Variants in MMP28 observed in about 807,000 individuals in gnomAD.
MMP28 encodes the protein matrix metallopeptidase 28.
Under a neutral mutation model 60.5 loss-of-function variants are expected in MMP28, and 55 were observed. The observed-to-expected ratio is 0.91, with a 90% CI of 0.73 to 1.14. MMP28 has a LOEUF of 1.14. Ranked by LOEUF, MMP28 falls within the 50% of genes most tolerant of loss-of-function variation. The pLI, the probability that MMP28 is intolerant of heterozygous loss-of-function variation, is 0.00. For missense variants in MMP28, 686 were observed against 738.3 expected, an observed-to-expected ratio of 0.93 and a Z score of 0.82; for synonymous variants, 318 against 312.5, an observed-to-expected ratio of 1.02 and a Z score of -0.18.
At chr17:35,771,341 G>A (rs1339924358) in intron 4 of MMP28, among the ~76,000 whole-genome samples, 1 of 144,998 alleles carries the variant, frequency 6.9e-6, no homozygotes, top group East Asian at 2.1e-4. Context: ...TGAGGCAGGA[G>A]AATGGTGTGA....
At chr17:35,769,150 G>T (rs1041092871) in intron 5 of MMP28, among the ~76,000 whole-genome samples, 12 of 152,170 alleles carry the variant, frequency 7.9e-5, no homozygotes, top group Admixed American at 5.2e-4. Context: ...TTTCCTAGCT[G>T]CATGACCCTG....
chr17:35,788,840 C>T (rs998715530), intron 1 of MMP28, among the ~76,000 whole-genome samples: 7 of 152,078 alleles, frequency 4.6e-5, no homozygotes, highest in African/African-American at 1.7e-4. Flanking sequence ...AGATAGAGCC[C>T]TTGGGAATCT....
downstream of MMP28, chr17:35,764,050 G>A (rs372759641): frequency 8.4e-5 from 130 of 1,549,670 alleles, 1 homozygote; most frequent in African/African-American, 1.4e-3. Context: ...AAGAGCTCCG[G>A]GCCGAGGACG....
chr17:35,768,140 G>A (rs1246976159), intron 6 of MMP28, 90 bp downstream of exon 6: 10 of 1,475,274 alleles, frequency 6.8e-6, no homozygotes, highest in African/African-American at 1.4e-5. Context: ...GGCTTTTACA[G>A]TCCATCCCCC....
chr17:35,789,522 A>C (rs1171707623), intron 1 of MMP28, among the ~76,000 whole-genome samples: 3 of 152,166 alleles, frequency 2.0e-5, no homozygotes, highest in Admixed American at 6.5e-5. Context: ...TTACTATAGG[A>C]ATTTAAAGCT....
chr17:35,776,573 T>C (rs1482777044), intron 3 of MMP28, among the ~76,000 whole-genome samples: 1 of 152,142 alleles, frequency 6.6e-6, no homozygotes, highest in Non-Finnish European at 1.5e-5. Flanking sequence ...GGCAACTGAG[T>C]AATACTATCC....
chr17:35,784,587 C>A (rs892993990), intron 1 of MMP28, among the ~76,000 whole-genome samples: 4 of 152,206 alleles, frequency 2.6e-5, no homozygotes. Context: ...ATGGTCTACT[C>A]TGCACAGTAG....
intron 1 of MMP28, among the ~76,000 whole-genome samples, chr17:35,794,541 C>T (rs2086909192): frequency 6.6e-6 from 1 of 152,024 alleles, no homozygotes; most frequent in Admixed American, 6.6e-5. Context: ...CCACCGCGTC[C>T]GGCCTACACT....
chr17:35,784,283 C>CAA lies in MMP28; in HGVS notation c.112-4962_112-4961dup, dbSNP rs36072015. On this transcript the variant is annotated intron_variant, in intron 1 of 7. Coordinates refer to ENST00000605424, the MANE Select transcript of MMP28 (RefSeq NM_024302.5). ...GGCAACAAGAGCAAGACTCCATTTC[C>CAA]AAAAAAAAAAAAAGCACTGAAGTAT... is the stretch of plus-strand genomic sequence containing the variant. Among the ~76,000 whole-genome samples the CAA allele has an allele frequency of 7.8e-4, 100 of 128,404 alleles. 2 individuals carry two copies. The highest frequency in any genetic ancestry group is 1.5e-3 in the African/African-American group (56 of 36,540). 84.2% of individuals were successfully genotyped at this position (128,404 alleles called of 152,430 possible). A position where few individuals can be genotyped will look rare whatever the true frequency, so the allele number is the denominator to read the frequency against.
chr17:35,760,693 A>G (rs2085800485), intron 2 of MMP28, among the ~76,000 whole-genome samples: 1 of 152,222 alleles, frequency 6.6e-6, no homozygotes, highest in South Asian at 2.1e-4. Flanking sequence ...TGCGGGCCAA[A>G]GCCATCCTCT....
intron 1 of MMP28, among the ~76,000 whole-genome samples, chr17:35,785,398 G>A (rs916895882): frequency 6.6e-6 from 1 of 152,092 alleles, no homozygotes; most frequent in Admixed American, 6.6e-5. Context: ...CCTTAGGTAA[G>A]TCCTGTGCCT....
intron 4 of MMP28, among the ~76,000 whole-genome samples, chr17:35,770,681 G>A (rs2086104577): frequency 6.6e-6 from 1 of 152,032 alleles, no homozygotes; most frequent in Non-Finnish European, 1.5e-5. Flanking sequence ...ATGATGGTGA[G>A]CTTCTTCCTC....
intron 3 of MMP28, among the ~76,000 whole-genome samples, chr17:35,776,505 A>T (rs1381910730): frequency 6.6e-6 from 1 of 152,170 alleles, no homozygotes; most frequent in African/African-American, 2.4e-5. Context: ...TTAACTTTAA[A>T]AAACTATCTG....
At chr17:35,786,544 A>G (rs1332156880) in intron 1 of MMP28, among the ~76,000 whole-genome samples, 1 of 151,986 alleles carries the variant, frequency 6.6e-6, no homozygotes, top group Non-Finnish European at 1.5e-5. Context: ...TTATCATTCA[A>G]GTGTATCTTT....
At chr17:35,763,066 G>A (rs1331595148), downstream of MMP28, among the ~76,000 whole-genome samples, 2 of 150,820 alleles carry the variant, frequency 1.3e-5, no homozygotes, top group Middle Eastern at 3.5e-3. Context: ...AGCTTGCAGT[G>A]AGCCGAGATG....
downstream of MMP28, chr17:35,764,513 C>T (rs2143118310): frequency 6.3e-7 from 1 of 1,596,210 alleles, no homozygotes; most frequent in Non-Finnish European, 8.5e-7. Context: ...GCGAGCTCCT[C>T]TTCTGCAAGA....
At chr17:35,762,507 G>C (rs587613696), downstream of MMP28, among the ~76,000 whole-genome samples, 2 of 152,256 alleles carry the variant, frequency 1.3e-5, no homozygotes, top group African/African-American at 4.8e-5. Context: ...GCTACTGCTT[G>C]TAGTTGTAGT....
chr17:35,795,508 G>A lies in MMP28; in HGVS notation c.-131C>T, dbSNP rs1405445335. 1.0e-5 allele frequency: 6 copies of A among 596,072 alleles called. No homozygotes were observed. The highest frequency in any genetic ancestry group is 8.8e-5 in the Admixed American group (2 of 22,800). The allele number at this position is 596,072 out of a possible 1,614,324, so 36.9% of individuals were successfully genotyped here. ...CCCCGCACGGAGAGGGACTGTCCCGGGGTTTCGCCAGTGCCCTAGCTGCGC... is the reference window on the plus strand; with the variant it reads ...CCCCGCACGGAGAGGGACTGTCCCGAGGTTTCGCCAGTGCCCTAGCTGCGC... On this transcript the variant is annotated 5_prime_UTR_variant, in exon 1 of 8. Transcript: ENST00000605424.
intron 3 of MMP28, among the ~76,000 whole-genome samples, chr17:35,777,710 G>T (rs185107980): frequency 1.1e-4 from 16 of 152,346 alleles, no homozygotes; most frequent in African/African-American, 3.4e-4. Flanking sequence ...TGCAAAAATT[G>T]AGCAGAGAAA....
Sources: gnomAD v4.1 joint callset for allele counts (sites outside exome capture counted in the v4.1 genomes callset) on GRCh38, gnomAD v4.1.1 for gene constraint, MANE v1.5 for transcripts, NCBI Gene and HGNC (gene_info 2026-07-23, HGNC 2026-07-21) for gene names.